The following IREB2 variants were observed in gnomAD, a reference collection of about 807,000 sequenced individuals.
The protein encoded by IREB2 is iron-responsive element-binding protein 2.
A neutral mutation model predicts 118.8 loss-of-function variants in IREB2; 39 were observed. The ratio of observed to expected loss-of-function variants is 0.33; its 90% CI spans 0.25 to 0.43. IREB2 has a LOEUF of 0.43. IREB2 is among the 20% of genes least tolerant of loss of function. The probability of loss-of-function intolerance (pLI) is 1.00; values close to 1 mark genes in which losing one functional copy is unlikely to be tolerated. For missense variants in IREB2, 900 were observed against 1,147.3 expected, an observed-to-expected ratio of 0.78 and a Z score of 3.11; for synonymous variants, 372 against 392.2, an observed-to-expected ratio of 0.95 and a Z score of 0.61.
At chr15:78,495,055 A>G (rs903562008) in intron 20 of IREB2, among the ~76,000 whole-genome samples, 7 of 152,186 alleles carry the variant, frequency 4.6e-5, no homozygotes, top group Admixed American at 1.3e-4. Flanking sequence ...TTGCAGAGCA[A>G]ATAGGCCATC....
intron 18 of IREB2, 76 bp from the exon 19 acceptor site, chr15:78,493,833 A>T: frequency 1.4e-6 from 2 of 1,404,546 alleles, no homozygotes; most frequent in Non-Finnish European, 1.9e-6. Flanking sequence ...AAAATTTTTC[A>T]ATAGGTCTTA....
chr15:78,440,879 C>A (rs1039793226), intron 2 of IREB2, among the ~76,000 whole-genome samples: 4 of 152,048 alleles, frequency 2.6e-5, no homozygotes, highest in Non-Finnish European at 4.4e-5. Flanking sequence ...ATGTGGGCGA[C>A]CTATAGGGCA....
intron 2 of IREB2, among the ~76,000 whole-genome samples, chr15:78,444,252 G>A (rs2050891891): frequency 6.6e-6 from 1 of 152,060 alleles, no homozygotes; most frequent in African/African-American, 2.4e-5. Flanking sequence ...TTTAAGGAGT[G>A]GAGAAATCAG....
chr15:78,442,028 T>G (rs560915711), intron 2 of IREB2, among the ~76,000 whole-genome samples: 20 of 152,184 alleles, frequency 1.3e-4, no homozygotes, highest in African/African-American at 4.8e-4. Flanking sequence ...TGCCTTAACC[T>G]CCCAAGTAGC....
chr15:78,482,849 G>A (rs1346739332), intron 10 of IREB2, among the ~76,000 whole-genome samples: 5 of 151,752 alleles, frequency 3.3e-5, no homozygotes, highest in Non-Finnish European at 7.4e-5. Flanking sequence ...CTGGGTTCAC[G>A]CCATTCCCCT....
chr15:78,450,985 A>G (rs1323462014), intron 2 of IREB2, among the ~76,000 whole-genome samples: 2 of 151,968 alleles, frequency 1.3e-5, no homozygotes, highest in Non-Finnish European at 2.9e-5. Context: ...AGCTTATTTC[A>G]TTCAAATCTT....
At position 78,489,240 on chromosome 15, in the gene IREB2, A is replaced by G. The variant is rs536483094; in HGVS notation, c.2076+469A>G. 1.3e-4 allele frequency among the ~76,000 whole-genome samples: 20 copies of G among 151,166 alleles called. 1 individual carries two copies. The highest frequency in any genetic ancestry group is 4.6e-4 in the African/African-American group (19 of 41,268). On this transcript the variant is annotated intron_variant, in intron 16 of 21. Coordinates refer to ENST00000258886, the MANE Select transcript of IREB2 (RefSeq NM_004136.4). ...TCTGTCTCAAAAAAAAAAAAAAAAGAAAGAAAATGTCTTAGAGGATCAGAA... is the reference window on the plus strand; with the variant it reads ...TCTGTCTCAAAAAAAAAAAAAAAAGGAAGAAAATGTCTTAGAGGATCAGAA...
chr15:78,485,580 G>A, intron 12 of IREB2, 125 bp from the exon 13 acceptor site: 1 of 967,338 alleles, frequency 1.0e-6, no homozygotes, highest in Non-Finnish European at 1.5e-6. Context: ...ACAAAATAAT[G>A]ACAGTAAGTT....
chr15:78,491,640 G>A (rs1423913930), intron 18 of IREB2, among the ~76,000 whole-genome samples: 1 of 152,128 alleles, frequency 6.6e-6, no homozygotes, highest in Non-Finnish European at 1.5e-5. Flanking sequence ...TGGGATTACA[G>A]GCACGCGCCA....
At chr15:78,485,982 T>A (rs927285968) in intron 13 of IREB2, 142 bp downstream of exon 13, 4 of 683,088 alleles carry the variant, frequency 5.9e-6, no homozygotes, top group African/African-American at 5.5e-5. Flanking sequence ...ACCATACAAT[T>A]TTTGATGCCT....
At chr15:78,480,686 T>TAAAAAA (rs373261767) in intron 10 of IREB2, among the ~76,000 whole-genome samples, 9 of 89,718 alleles carry the variant, frequency 1.0e-4, no homozygotes, top group South Asian at 4.2e-4. Flanking sequence ...GAGACTGTCT[T>TAAAAAA]AAAAAAAAAA....
Position 78,493,894 on chromosome 15 carries a change from A to G in IREB2, c.2325-15A>G, listed in dbSNP as rs1053845267. On this transcript the variant is annotated splice_polypyrimidine_tract_variant and intron_variant, in intron 18 of 21. Transcript: ENST00000258886. ...CCACATGTAATGAAAACTGACTTTCATTACTTTCTTGTAGCCTTACCCCTC... is the reference window on the plus strand; with the variant it reads ...CCACATGTAATGAAAACTGACTTTCGTTACTTTCTTGTAGCCTTACCCCTC... 7 of 1,601,312 alleles carry G rather than the reference A, an allele frequency of 4.4e-6. No homozygotes were observed. The Admixed American group carries it at 8.7e-5, about 20-fold the overall frequency.
At chr15:78,444,374 G>T (rs2050894383) in intron 2 of IREB2, among the ~76,000 whole-genome samples, 1 of 151,714 alleles carries the variant, frequency 6.6e-6, no homozygotes, top group South Asian at 2.1e-4. Flanking sequence ...GGAGAGACTG[G>T]CCTGGCTGGA....
intron 5 of IREB2, among the ~76,000 whole-genome samples, chr15:78,467,772 A>T (rs762714520): frequency 4.6e-5 from 7 of 152,196 alleles, no homozygotes; most frequent in Admixed American, 1.3e-4. Flanking sequence ...TTATTTTTAG[A>T]GACAAGGTCT....
At chr15:78,476,159 G>A (rs1253080283) in intron 8 of IREB2, 29 bp from the exon 9 acceptor site, 3 of 1,493,752 alleles carry the variant, frequency 2.0e-6, no homozygotes, top group Non-Finnish European at 2.7e-6. Context: ...TTGCAATTTT[G>A]TATGTGTTTC....
chr15:78,465,417 C>T (rs2051265387), intron 4 of IREB2, 29 bp downstream of exon 4: 2 of 1,575,976 alleles, frequency 1.3e-6, no homozygotes, highest in Non-Finnish European at 8.6e-7. Context: ...TTATAGACAG[C>T]CATGCAAGTT....
chr15:78,462,493 A>G (rs1405743459), intron 2 of IREB2, among the ~76,000 whole-genome samples: 1 of 152,232 alleles, frequency 6.6e-6, no homozygotes, highest in Non-Finnish European at 1.5e-5. Flanking sequence ...TTTTTGATGG[A>G]AAATTTTAAA....
intron 13 of IREB2, among the ~76,000 whole-genome samples, chr15:78,486,337 T>G (rs2051658978): frequency 6.6e-6 from 1 of 152,216 alleles, no homozygotes; most frequent in Non-Finnish European, 1.5e-5. Flanking sequence ...CTGGGCGCGG[T>G]GGCTCACGCC....
chr15:78,496,916 G>A (rs1336454602), intron 20 of IREB2, among the ~76,000 whole-genome samples: 1 of 152,078 alleles, frequency 6.6e-6, no homozygotes, highest in Admixed American at 6.6e-5. Context: ...CAGCAGAAAG[G>A]GATCCGAATA....
Sources: gnomAD v4.1 joint callset for allele counts (sites outside exome capture counted in the v4.1 genomes callset) on GRCh38, gnomAD v4.1.1 for gene constraint, MANE v1.5 for transcripts, NCBI Gene and HGNC (gene_info 2026-07-23, HGNC 2026-07-21) for gene names.